Variants in UNC5D observed in about 807,000 individuals in gnomAD.
UNC5D encodes unc-5 netrin receptor D, also known as netrin receptor UNC5D.
In UNC5D, 39 loss-of-function variants were observed where a neutral mutation model predicts 105.4. The observed-to-expected ratio is 0.37, with a 90% CI of 0.29 to 0.48. UNC5D has a LOEUF of 0.48. Ranked by LOEUF, UNC5D falls within the 20% of genes least tolerant of loss-of-function variation. The pLI is 0.98. For synonymous variants in UNC5D, 452 were observed against 450.4 expected, an observed-to-expected ratio of 1.00 and a Z score of -0.04; for missense variants, 991 against 1,202.4, an observed-to-expected ratio of 0.82 and a Z score of 2.60.
chr8:35,765,268 T>G (rs1282236377), intron 14 of UNC5D, among the ~76,000 whole-genome samples: 1 of 152,150 alleles, frequency 6.6e-6, no homozygotes, highest in African/African-American at 2.4e-5. Flanking sequence ...TAAAATGTAG[T>G]TTTTAGGCTT....
chr8:35,789,711 T>C (rs1274361398), intron 16 of UNC5D, among the ~76,000 whole-genome samples: 1 of 152,078 alleles, frequency 6.6e-6, no homozygotes, highest in Non-Finnish European at 1.5e-5. Flanking sequence ...GTTTGATAAC[T>C]ACTCCATTTA....
chr8:35,558,367 C>T (rs1032091969), intron 2 of UNC5D, among the ~76,000 whole-genome samples: 6 of 151,738 alleles, frequency 4.0e-5, no homozygotes, highest in African/African-American at 1.5e-4. Context: ...ATAATAGTAA[C>T]ACAATGTTAA....
At chr8:35,529,082 G>A (rs1290922268) in intron 1 of UNC5D, among the ~76,000 whole-genome samples, 1 of 140,652 alleles carries the variant, frequency 7.1e-6, no homozygotes, top group Non-Finnish European at 1.5e-5. Context: ...TTTGGCTTTT[G>A]TTGCCATTGC....
At chr8:35,297,956 G>A (rs1459916303) in intron 1 of UNC5D, among the ~76,000 whole-genome samples, 1 of 152,140 alleles carries the variant, frequency 6.6e-6, no homozygotes. Context: ...CTGGCCTTTA[G>A]TCAGTAGCAT....
chr8:35,579,998 G>A (rs1303151118), intron 3 of UNC5D, among the ~76,000 whole-genome samples: 1 of 152,250 alleles, frequency 6.6e-6, no homozygotes, highest in Admixed American at 6.5e-5. Context: ...ATTCAGGAAC[G>A]TAAAATTAGC....
chr8:35,674,396 AGTGT>A (rs1327963283), intron 4 of UNC5D, among the ~76,000 whole-genome samples: 1 of 151,858 alleles, frequency 6.6e-6, no homozygotes, highest in African/African-American at 2.4e-5. Flanking sequence ...AATGTGTGTG[AGTGT>A]GTTTGTGTAT....
At chr8:35,672,985 G>A (rs533810488) in intron 4 of UNC5D, among the ~76,000 whole-genome samples, 27 of 152,300 alleles carry the variant, frequency 1.8e-4, no homozygotes, top group Non-Finnish European at 3.2e-4. Context: ...ACGGATGTCT[G>A]TCATTTCATT....
At chr8:35,429,182 CCTTT>C (rs1487573383) in intron 1 of UNC5D, among the ~76,000 whole-genome samples, 4 of 152,140 alleles carry the variant, frequency 2.6e-5, no homozygotes, top group Admixed American at 2.0e-4. Context: ...TCATTTTATC[CCTTT>C]CTTCTTTGAT....
intron 7 of UNC5D, among the ~76,000 whole-genome samples, chr8:35,699,075 C>T (rs893067095): frequency 1.1e-4 from 17 of 152,122 alleles, no homozygotes; most frequent in Non-Finnish European, 1.9e-4. Context: ...AAAGTGTTTG[C>T]AGTGGCCCAA....
intron 4 of UNC5D, among the ~76,000 whole-genome samples, chr8:35,599,464 T>C (rs1009425123): frequency 1.3e-5 from 2 of 152,194 alleles, no homozygotes; most frequent in African/African-American, 2.4e-5. Context: ...TCAAAACATG[T>C]TATACATGAA....
At chr8:35,476,720 T>C (rs561264797) in intron 1 of UNC5D, among the ~76,000 whole-genome samples, 1 of 152,300 alleles carries the variant, frequency 6.6e-6, no homozygotes, top group African/African-American at 2.4e-5. Context: ...ATTTCAGACC[T>C]CTCCTGAAAA....
At chr8:35,448,328 G>A (rs1807930758) in intron 1 of UNC5D, among the ~76,000 whole-genome samples, 1 of 151,958 alleles carries the variant, frequency 6.6e-6, no homozygotes, top group Admixed American at 6.6e-5. Flanking sequence ...GTTAAATGAG[G>A]GGTTATTTCA....
rs555937555 is a variant in UNC5D, at chr8:35,359,755, A to G, written c.103+123868A>G. 7.4e-4 allele frequency among the ~76,000 whole-genome samples: 113 copies of G among 152,304 alleles called. 1 individual carries two copies. Among genetic ancestry groups the G allele is most frequent in the Middle Eastern group, 6.8e-3 (2 of 294 alleles). ...TGTATTTCTGAAATCCATTTTTTATATGAGGATTCAAAATTTTAGTGTCTA... is the reference window on the plus strand; with the variant it reads ...TGTATTTCTGAAATCCATTTTTTATGTGAGGATTCAAAATTTTAGTGTCTA... On this transcript the variant is annotated intron_variant, in intron 1 of 16. Coordinates refer to ENST00000404895, the MANE Select transcript of UNC5D (RefSeq NM_080872.4).
At chr8:35,678,312 A>AT (rs1234344427) in intron 4 of UNC5D, among the ~76,000 whole-genome samples, 1 of 152,138 alleles carries the variant, frequency 6.6e-6, no homozygotes, top group Non-Finnish European at 1.5e-5. Context: ...CATCAGTCAT[A>AT]ATACCTTCCC....
At chr8:35,676,373 C>T (rs1368955628) in intron 4 of UNC5D, among the ~76,000 whole-genome samples, 1 of 152,044 alleles carries the variant, frequency 6.6e-6, no homozygotes, top group Non-Finnish European at 1.5e-5. Context: ...AAGTAGAAAC[C>T]AGATAAAGAA....
At chr8:35,725,966 C>T (rs554539313) in intron 9 of UNC5D, among the ~76,000 whole-genome samples, 186 bp from the exon 10 acceptor site, 1 of 152,136 alleles carries the variant, frequency 6.6e-6, no homozygotes, top group Non-Finnish European at 1.5e-5. Context: ...ACGGTGGAAG[C>T]CAGGGCTCTT....
chr8:35,339,661 T>C (rs956920493), intron 1 of UNC5D, among the ~76,000 whole-genome samples: 5 of 152,180 alleles, frequency 3.3e-5, no homozygotes, highest in African/African-American at 1.2e-4. Flanking sequence ...CATGTCTAGA[T>C]TGGAAGACGG....
At chr8:35,378,651 G>A (rs1802843086) in intron 1 of UNC5D, among the ~76,000 whole-genome samples, 2 of 152,162 alleles carry the variant, frequency 1.3e-5, no homozygotes, top group Non-Finnish European at 2.9e-5. Context: ...TGGAAGCCAT[G>A]TGGCCACACA....
chr8:35,544,322 A>C, intron 1 of UNC5D: 1 of 1,471,744 alleles, frequency 6.8e-7, no homozygotes, highest in Non-Finnish European at 9.1e-7. Context: ...GCTTTGTGTA[A>C]GAAGGAAGAT....
Sources: allele counts gnomAD v4.1 joint callset (sites outside exome capture counted in the v4.1 genomes callset), GRCh38; gene constraint gnomAD v4.1.1; transcripts MANE v1.5; gene names NCBI Gene and HGNC (gene_info 2026-07-23, HGNC 2026-07-21).